SS18: variants seen among roughly 807,000 people sequenced by gnomAD.
The protein encoded by SS18 is SS18 subunit of BAF chromatin remodeling complex.
Under a neutral mutation model 72.5 loss-of-function variants are expected in SS18, and 28 were observed. That is an observed-to-expected ratio of 0.39 (90% CI 0.29 to 0.53). The LOEUF is 0.53. Among genes scored for constraint, SS18 ranks in the 20% least tolerant of loss-of-function variants. The pLI is 0.76. For missense variants in SS18, 518 were observed against 535.3 expected (o/e 0.97, Z 0.32); for synonymous variants, 172 against 164.2 (o/e 1.05, Z -0.37).
Position 26,016,262 on chromosome 18 carries a change from C to A in SS18, c.*2092G>T, listed in dbSNP as rs1163166728. 5.6e-6 allele frequency: 1 copy of A among 177,136 alleles called. No individual in the cohort carries two copies. The highest frequency in any genetic ancestry group is 2.4e-5 in the African/African-American group (1 of 42,200). 11.0% of individuals were successfully genotyped at this position (177,136 alleles called of 1,614,324 possible). A position where few individuals can be genotyped will look rare whatever the true frequency, so the allele number is the denominator to read the frequency against. ...GAAACAAATGAGAAAATTAAAATCA[C>A]AAATAATTTATTCTTCCGTTAGAGT... On this transcript the variant is annotated 3_prime_UTR_variant, in exon 11 of 11. Transcript: ENST00000415083.
In SS18 at chr18:26,017,681, T is replaced by G. The variant is rs2053272200; in HGVS notation, c.*673A>C. ...TGGAAGGCTTTTAAAAAATGTCTTTTTACTCAAAACTGTATCACAGTGCCC... is the reference window on the plus strand; with the variant it reads ...TGGAAGGCTTTTAAAAAATGTCTTTGTACTCAAAACTGTATCACAGTGCCC... On this transcript the variant is annotated 3_prime_UTR_variant, in exon 11 of 11. Coordinates refer to ENST00000415083, the MANE Select transcript of SS18 (RefSeq NM_001007559.3). 1.4e-5 allele frequency: 3 copies of G among 212,628 alleles called. No homozygotes were observed. In the East Asian group the frequency reaches 2.1e-4, roughly 15 times the overall value. The allele number at this position is 212,628 out of a possible 1,614,324, so 13.2% of individuals were successfully genotyped here.
intron 10 of SS18, among the ~76,000 whole-genome samples, chr18:26,022,070 C>T (rs921995975): frequency 6.6e-6 from 1 of 152,122 alleles, no homozygotes; most frequent in Non-Finnish European, 1.5e-5. Flanking sequence ...CATTTCTTTC[C>T]TTCATTCTAT....
intron 2 of SS18, among the ~76,000 whole-genome samples, chr18:26,085,200 T>C (rs1259254671): frequency 6.6e-6 from 1 of 152,226 alleles, no homozygotes; most frequent in Middle Eastern, 3.2e-3. Flanking sequence ...TTTTGTTTTT[T>C]CTTGTTGGCG....
At chr18:26,022,421 T>C (rs1317134869) in intron 10 of SS18, among the ~76,000 whole-genome samples, 2 of 151,176 alleles carry the variant, frequency 1.3e-5, no homozygotes, top group Admixed American at 1.3e-4. Flanking sequence ...TGGATTTATC[T>C]GGCAGCCTGA....
chr18:26,067,283 C>T (rs190694621), intron 3 of SS18, among the ~76,000 whole-genome samples: 1 of 152,298 alleles, frequency 6.6e-6, no homozygotes, highest in African/African-American at 2.4e-5. Flanking sequence ...GGACACCAAG[C>T]TATGGCAGGT....
chr18:26,063,902 A>G (rs1032682757), intron 3 of SS18, among the ~76,000 whole-genome samples: 28 of 152,166 alleles, frequency 1.8e-4, no homozygotes, highest in Admixed American at 7.2e-4. Flanking sequence ...TAATCAAGAA[A>G]AGACAGAAAT....
At chr18:26,019,616 G>C (rs1316900653) in intron 10 of SS18, among the ~76,000 whole-genome samples, 2 of 151,902 alleles carry the variant, frequency 1.3e-5, no homozygotes, top group Non-Finnish European at 2.9e-5. Context: ...TTCGAGACCA[G>C]CCTGACTAAC....
chr18:26,045,694 AG>A (rs952946430), intron 5 of SS18, among the ~76,000 whole-genome samples: 59 of 152,256 alleles, frequency 3.9e-4, no homozygotes, highest in African/African-American at 1.4e-3. Flanking sequence ...TTTGCATAGT[AG>A]GATCAGACCA....
intron 4 of SS18, among the ~76,000 whole-genome samples, chr18:26,055,533 C>T (rs1285731934): frequency 6.6e-6 from 1 of 151,950 alleles, no homozygotes; most frequent in Non-Finnish European, 1.5e-5. Context: ...TGACCCAGAT[C>T]AATGAGAACA....
chr18:26,059,984 C>T (rs994172592), intron 3 of SS18, among the ~76,000 whole-genome samples: 1 of 152,226 alleles, frequency 6.6e-6, no homozygotes, highest in African/African-American at 2.4e-5. Flanking sequence ...CTGTGGAAAA[C>T]AGTTTGACAG....
intron 5 of SS18, among the ~76,000 whole-genome samples, chr18:26,039,844 A>G (rs1414643094): frequency 1.3e-5 from 2 of 152,344 alleles, no homozygotes; most frequent in South Asian, 2.1e-4. Context: ...CCAAAAGTAA[A>G]CTTTACAAAA....
At chr18:26,044,604 A>G (rs887877223) in intron 5 of SS18, among the ~76,000 whole-genome samples, 9 of 152,052 alleles carry the variant, frequency 5.9e-5, no homozygotes, top group Admixed American at 2.0e-4. Context: ...GATTACAAGC[A>G]TGAGCCACCA....
chr18:26,048,914 T>G (rs2053875965), intron 5 of SS18, among the ~76,000 whole-genome samples: 2 of 152,244 alleles, frequency 1.3e-5, no homozygotes, highest in South Asian at 4.1e-4. Context: ...CAACTGATTT[T>G]ATAAAAATTA....
intron 1 of SS18, among the ~76,000 whole-genome samples, chr18:26,088,892 A>C (rs2054664444): frequency 6.6e-6 from 1 of 152,182 alleles, no homozygotes; most frequent in African/African-American, 2.4e-5. Flanking sequence ...GGAAAAAAAA[A>C]ACCACTAACA....
intron 5 of SS18, among the ~76,000 whole-genome samples, chr18:26,049,895 T>G (rs1006911285): frequency 6.6e-6 from 1 of 151,386 alleles, no homozygotes; most frequent in Non-Finnish European, 1.5e-5. Flanking sequence ...GGAAAATATA[T>G]GTTGGATTGA....
At chr18:26,026,596 A>G (rs1425857983) in intron 10 of SS18, among the ~76,000 whole-genome samples, 8 of 152,050 alleles carry the variant, frequency 5.3e-5, no homozygotes, top group Admixed American at 4.6e-4. Flanking sequence ...GTCTACTCTC[A>G]CCATTTTTAT....
chr18:26,057,845 AACAC>A, intron 3 of SS18, 103 bp from the exon 4 acceptor site: 1 of 1,139,634 alleles, frequency 8.8e-7, no homozygotes, highest in Non-Finnish European at 1.2e-6. Flanking sequence ...TAAGAACAAA[AACAC>A]AAATGCATTT....
intron 10 of SS18, among the ~76,000 whole-genome samples, chr18:26,028,153 C>T (rs2053483161): frequency 6.6e-6 from 1 of 152,080 alleles, no homozygotes. Flanking sequence ...TTTAAACAGA[C>T]ACTCCTGAAA....
At chr18:26,030,364 G>A (rs952634148) in intron 10 of SS18, among the ~76,000 whole-genome samples, 4 of 152,092 alleles carry the variant, frequency 2.6e-5, no homozygotes, top group African/African-American at 9.7e-5. Context: ...TAATATTTCC[G>A]AAGGAATATT....
Sources: allele counts gnomAD v4.1 joint callset (sites outside exome capture counted in the v4.1 genomes callset), GRCh38; gene constraint gnomAD v4.1.1; transcripts MANE v1.5; gene names NCBI Gene and HGNC (gene_info 2026-07-23, HGNC 2026-07-21).